The following GPR107 variants were observed in gnomAD, a reference collection of about 807,000 sequenced individuals.
GPR107 encodes the protein protein GPR107.
A neutral mutation model predicts 75.5 loss-of-function variants in GPR107; 31 were observed. The observed-to-expected ratio is 0.41, with a 90% CI of 0.31 to 0.55. The LOEUF is 0.55. Ranked by LOEUF, GPR107 falls within the 20% of genes least tolerant of loss-of-function variation. The pLI is 0.26. For missense variants in GPR107, 572 were observed against 665.7 expected, an observed-to-expected ratio of 0.86 and a Z score of 1.55; for synonymous variants, 267 against 251.3, an observed-to-expected ratio of 1.06 and a Z score of -0.59.
intron 13 of GPR107, among the ~76,000 whole-genome samples, chr9:130,106,617 A>AAT (rs1554895843): frequency 3.2e-4 from 46 of 145,196 alleles, no homozygotes; most frequent in South Asian, 1.6e-3. Context: ...ATAAATAAAT[A>AAT]AATAATAATA....
In GPR107 at chr9:130,131,141, C is replaced by T. The variant is rs202085172; in HGVS notation, c.1562+2380C>T. Among the ~76,000 whole-genome samples the T allele has an allele frequency of 5.3e-5, 8 of 152,154 alleles. No homozygotes were observed. The East Asian group carries it at 1.4e-3, about 26-fold the overall frequency. ...ACTAGGACACCTAGTGAGGTGGCTG[C>T]GAAGCTGCTGAAGCCCCACCGCCGT... is the stretch of plus-strand genomic sequence containing the variant. On this transcript the variant is annotated intron_variant, in intron 17 of 17. Transcript: ENST00000347136.
At chr9:130,100,892 C>T (rs1266487342) in intron 11 of GPR107, among the ~76,000 whole-genome samples, 190 bp downstream of exon 11, 1 of 152,220 alleles carries the variant, frequency 6.6e-6, no homozygotes, top group Non-Finnish European at 1.5e-5. Context: ...TGGCATACTC[C>T]TGCCTCTCTG....
At chr9:130,070,123 AG>A (rs1830169714) in intron 1 of GPR107, among the ~76,000 whole-genome samples, 1 of 141,924 alleles carries the variant, frequency 7.0e-6, no homozygotes, top group South Asian at 2.2e-4. Flanking sequence ...CAGCCTCTTG[AG>A]TAGCTGGGAC....
chr9:130,055,079 C>T (rs1260249200), intron 1 of GPR107, among the ~76,000 whole-genome samples: 1 of 152,150 alleles, frequency 6.6e-6, no homozygotes, highest in Non-Finnish European at 1.5e-5. Context: ...AAGACCCTTT[C>T]TCAAAACATA....
chr9:130,075,601 C>A (rs766640091), intron 1 of GPR107, 35 bp from the exon 2 acceptor site: 1 of 1,082,992 alleles, frequency 9.2e-7, no homozygotes, highest in South Asian at 1.3e-5. Flanking sequence ...AGCACTTTTC[C>A]ATATGACTAA....
chr9:130,098,462 C>A (rs1411156236), intron 9 of GPR107, among the ~76,000 whole-genome samples: 3 of 152,174 alleles, frequency 2.0e-5, no homozygotes, highest in African/African-American at 4.8e-5. Flanking sequence ...TATTTGTAAT[C>A]GCTTTCTGCT....
intron 5 of GPR107, among the ~76,000 whole-genome samples, chr9:130,082,168 A>G (rs1830507236): frequency 6.6e-6 from 1 of 152,188 alleles, no homozygotes; most frequent in Admixed American, 6.5e-5. Flanking sequence ...ATATGTCCTC[A>G]TGACTCAGAT....
At chr9:130,121,644 G>A (rs1304993847) in intron 14 of GPR107, among the ~76,000 whole-genome samples, 3 of 152,154 alleles carry the variant, frequency 2.0e-5, no homozygotes, top group African/African-American at 7.2e-5. Flanking sequence ...AGCACTCTCC[G>A]CATTGCCTTC....
At chr9:130,131,765 C>T (rs1442630873) in intron 17 of GPR107, among the ~76,000 whole-genome samples, 5 of 152,146 alleles carry the variant, frequency 3.3e-5, no homozygotes, top group Non-Finnish European at 5.9e-5. Context: ...CCGTGCAGAG[C>T]GTCCTGTAGG....
At chr9:130,072,516 G>C (rs954658016) in intron 1 of GPR107, among the ~76,000 whole-genome samples, 1 of 151,954 alleles carries the variant, frequency 6.6e-6, no homozygotes, top group African/African-American at 2.4e-5. Flanking sequence ...ACCGCGCCCG[G>C]CCTTGATCTC....
chr9:130,092,161 C>A, intron 8 of GPR107, 87 bp from the exon 9 acceptor site: 1 of 1,182,824 alleles, frequency 8.5e-7, no homozygotes, highest in Non-Finnish European at 1.2e-6. Context: ...CTTTCTTAAG[C>A]TTAAGTGAAA....
chr9:130,110,421 G>T, intron 14 of GPR107: 1 of 1,490,020 alleles, frequency 6.7e-7, no homozygotes, highest in South Asian at 1.2e-5. Context: ...GCAGGAAGTC[G>T]CATAGGTAAA....
At chr9:130,086,379 A>T (rs199959776) in intron 6 of GPR107, 41 bp from the exon 7 acceptor site, 5 of 905,544 alleles carry the variant, frequency 5.5e-6, no homozygotes, top group Admixed American at 3.7e-5. Context: ...GCATGCTTCT[A>T]TGCCGGTGTC....
chr9:130,088,138 G>A (rs140661097), intron 7 of GPR107, among the ~76,000 whole-genome samples: 1 of 152,244 alleles, frequency 6.6e-6, no homozygotes, highest in African/African-American at 2.4e-5. Context: ...CATCTGTCTT[G>A]GAGTAAAGCC....
intron 1 of GPR107, among the ~76,000 whole-genome samples, chr9:130,061,027 A>G (rs1244541764): frequency 1.3e-5 from 2 of 152,192 alleles, no homozygotes; most frequent in Non-Finnish European, 2.9e-5. Context: ...ATCTGCCAAT[A>G]TACATTCATT....
intron 15 of GPR107, among the ~76,000 whole-genome samples, chr9:130,127,118 T>C (rs553220964): frequency 5.3e-5 from 8 of 152,368 alleles, no homozygotes; most frequent in African/African-American, 1.7e-4. Flanking sequence ...CTATTACTAC[T>C]GGTAAATATT....
At chr9:130,095,686 C>T (rs1830849819) in intron 9 of GPR107, among the ~76,000 whole-genome samples, 1 of 56,162 alleles carries the variant, frequency 1.8e-5, no homozygotes. Flanking sequence ...AGCCAGTGCA[C>T]CCAGACCGTG....
chr9:130,133,486 G>A (rs1451268283), intron 17 of GPR107, among the ~76,000 whole-genome samples: 2 of 152,202 alleles, frequency 1.3e-5, no homozygotes, highest in East Asian at 3.9e-4. Context: ...GAGAGGCACG[G>A]GGGCTGCTAC....
intron 2 of GPR107, among the ~76,000 whole-genome samples, chr9:130,076,170 G>A (rs1490054335): frequency 6.6e-6 from 1 of 152,200 alleles, no homozygotes; most frequent in African/African-American, 2.4e-5. Flanking sequence ...AATTAAGCAT[G>A]TGAGTAGCAA....
Sources: gnomAD v4.1 joint callset for allele counts (sites outside exome capture counted in the v4.1 genomes callset) on GRCh38, gnomAD v4.1.1 for gene constraint, MANE v1.5 for transcripts, NCBI Gene and HGNC (gene_info 2026-07-23, HGNC 2026-07-21) for gene names.